PPP4R4: variants seen among roughly 807,000 people sequenced by gnomAD.
The protein encoded by PPP4R4 is protein phosphatase 4 regulatory subunit 4.
A neutral mutation model predicts 121.8 loss-of-function variants in PPP4R4; 70 were observed. The observed-to-expected ratio is 0.57, with a 90% CI of 0.47 to 0.70. PPP4R4 has a LOEUF of 0.70. PPP4R4 is among the 30% of genes least tolerant of loss of function. The pLI is 0.00. For synonymous variants in PPP4R4, 348 were observed against 355.7 expected (o/e 0.98, Z 0.24); for missense variants, 875 against 1,033.6 (o/e 0.85, Z 2.10).
chr14:94,263,114 C>T (rs1003484685), intron 19 of PPP4R4, among the ~76,000 whole-genome samples: 1 of 151,944 alleles, frequency 6.6e-6, no homozygotes, highest in African/African-American at 2.4e-5. Flanking sequence ...GAAATTTATC[C>T]AGTTTGGATT....
chr14:94,260,278 T>G (rs1220027019), intron 19 of PPP4R4, among the ~76,000 whole-genome samples: 1 of 151,696 alleles, frequency 6.6e-6, no homozygotes, highest in Non-Finnish European at 1.5e-5. Flanking sequence ...TACAAAAAAT[T>G]AGCTGGGCAT....
intron 1 of PPP4R4, chr14:94,175,794 A>AT: frequency 6.2e-6 from 3 of 483,616 alleles, no homozygotes; most frequent in Admixed American, 6.5e-5. Context: ...CCACGATGTG[A>AT]TTTTCAAGCT....
At position 94,188,787 on chromosome 14, in the gene PPP4R4, A is replaced by T. The variant is rs1023737070; in HGVS notation, c.191+12660A>T. On this transcript the variant is annotated intron_variant, in intron 2 of 24. Coordinates refer to ENST00000304338, the MANE Select transcript of PPP4R4 (RefSeq NM_058237.2). Reference sequence around the variant, plus strand: ...TGGACATGTTGATTAGCTTTACTGTAGTAATCATTTTACAATGTATACATA... The same window carrying T: ...TGGACATGTTGATTAGCTTTACTGTTGTAATCATTTTACAATGTATACATA... Among the ~76,000 whole-genome samples the T allele has an allele frequency of 2.1e-4, 32 of 152,296 alleles. 1 individual carries two copies. The highest frequency in any genetic ancestry group is 2.5e-4 in the Non-Finnish European group (17 of 67,984).
intron 2 of PPP4R4, among the ~76,000 whole-genome samples, chr14:94,202,006 G>C (rs899258846): frequency 6.6e-6 from 1 of 150,860 alleles, no homozygotes; most frequent in African/African-American, 2.5e-5. Flanking sequence ...ATTGGCATTT[G>C]CAGCAACCTT....
Position 94,259,493 on chromosome 14 carries a change from T to C in PPP4R4, c.2127+124T>C, listed in dbSNP as rs888619853. On this transcript the variant is annotated intron_variant, in intron 19 of 24. Coordinates refer to ENST00000304338, the MANE Select transcript of PPP4R4 (RefSeq NM_058237.2). ...ATTACTCTTTTTTCTTCTTAAATGATAGTCCAGTTTTTTGAAATCTGTTCT... is the reference window on the plus strand; with the variant it reads ...ATTACTCTTTTTTCTTCTTAAATGACAGTCCAGTTTTTTGAAATCTGTTCT... The C allele has an allele frequency of 3.1e-6, 4 of 1,276,320 alleles. No homozygotes were observed. The African/African-American group carries it at 6.2e-5, about 20-fold the overall frequency. 79.1% of individuals were successfully genotyped at this position (1,276,320 alleles called of 1,614,324 possible).
intron 2 of PPP4R4, among the ~76,000 whole-genome samples, chr14:94,181,484 TA>T (rs1888992317): frequency 6.6e-6 from 1 of 152,252 alleles, no homozygotes; most frequent in Non-Finnish European, 1.5e-5. Context: ...AATTTTAATG[TA>T]AACTATAAAT....
At chr14:94,248,774 C>G (rs893734328) in intron 14 of PPP4R4, among the ~76,000 whole-genome samples, 1 of 152,052 alleles carries the variant, frequency 6.6e-6, no homozygotes, top group African/African-American at 2.4e-5. Context: ...ATTCCTTTGT[C>G]CACATTGGTT....
intron 13 of PPP4R4, 47 bp downstream of exon 13, chr14:94,245,717 C>G: frequency 7.3e-7 from 1 of 1,371,492 alleles, no homozygotes; most frequent in Non-Finnish European, 1.0e-6. Context: ...AAATATTATC[C>G]TACTCTACAG....
chr14:94,264,733 T>A (rs564168517), intron 19 of PPP4R4, 145 bp from the exon 20 acceptor site: 2 of 650,976 alleles, frequency 3.1e-6, no homozygotes, highest in Non-Finnish European at 5.4e-6. Context: ...AACCCTGAAT[T>A]CTTTAGACAC....
rs139090634 is a variant in PPP4R4, at chr14:94,213,158, G to A, written c.294+4592G>A. On this transcript the variant is annotated intron_variant, in intron 3 of 24. Transcript: ENST00000304338. ...AACTTAGTTAAGTAACTTGCTCAACGTCACAAAGCTTGCAAGTGGTATAAT... is the reference window on the plus strand; with the variant it reads ...AACTTAGTTAAGTAACTTGCTCAACATCACAAAGCTTGCAAGTGGTATAAT... Among the ~76,000 whole-genome samples the A allele has an allele frequency of 5.6e-3, 856 of 152,282 alleles. 5 individuals carry two copies. Among genetic ancestry groups the A allele is most frequent in the African/African-American group, 0.02 (821 of 41,550 alleles).
rs1894795896 is a variant in PPP4R4, at chr14:94,279,054, GATAAGC to G, written c.*413_*418del. 1 of 152,620 alleles carries G rather than the reference GATAAGC, an allele frequency of 6.6e-6. No homozygotes were observed. The highest frequency in any genetic ancestry group is 2.4e-5 in the African/African-American group (1 of 41,466). 9.5% of individuals were successfully genotyped at this position (152,620 alleles called of 1,614,324 possible). On this transcript the variant is annotated 3_prime_UTR_variant, in exon 25 of 25. Coordinates refer to ENST00000304338, the MANE Select transcript of PPP4R4 (RefSeq NM_058237.2). ...TACATCAGCTGAATTGTCCTAGCTT[GATAAGC>G]ACTTGGAGGGGGACTTGGAAGGTGA...
intron 11 of PPP4R4, among the ~76,000 whole-genome samples, chr14:94,243,803 C>A (rs1322634921): frequency 6.6e-6 from 1 of 151,262 alleles, no homozygotes; most frequent in African/African-American, 2.4e-5. Context: ...TAATGAAAAT[C>A]CACTGGTGGA....
chr14:94,203,061 G>A (rs1215083289), intron 2 of PPP4R4, among the ~76,000 whole-genome samples: 1 of 152,032 alleles, frequency 6.6e-6, no homozygotes, highest in Non-Finnish European at 1.5e-5. Context: ...AAATACCCAT[G>A]TTCTCTTTAT....
Position 94,233,058 on chromosome 14 carries a change from A to C in PPP4R4, c.517-595A>C, listed in dbSNP as rs75600233. Among the ~76,000 whole-genome samples the C allele has an allele frequency of 1.3e-4, 9 of 67,916 alleles. No individual in the cohort carries two copies. The South Asian group carries it at 5.4e-3, about 41-fold the overall frequency. The allele number at this position is 67,916 out of a possible 152,430, so 44.6% of individuals were successfully genotyped here. A position where few individuals can be genotyped will look rare whatever the true frequency, so the allele number is the denominator to read the frequency against. On this transcript the variant is annotated intron_variant, in intron 5 of 24. Coordinates refer to ENST00000304338, the MANE Select transcript of PPP4R4 (RefSeq NM_058237.2). ...GGGCGACAGAGCGAGACTCCGTCTC[A>C]AAAAAAAAAAAAGAGAAATAGCGAG...
chr14:94,187,636 T>C (rs1358439850), intron 2 of PPP4R4, among the ~76,000 whole-genome samples: 2 of 152,150 alleles, frequency 1.3e-5, no homozygotes, highest in African/African-American at 4.8e-5. Context: ...TTTCACTTTT[T>C]TTTTTTTCTG....
At chr14:94,248,250 G>T (rs1209217053) in intron 14 of PPP4R4, among the ~76,000 whole-genome samples, 1 of 152,098 alleles carries the variant, frequency 6.6e-6, no homozygotes, top group African/African-American at 2.4e-5. Flanking sequence ...AAAATCAGTA[G>T]CATTTCTATA....
At chr14:94,191,379 G>A (rs1033705) in intron 2 of PPP4R4, among the ~76,000 whole-genome samples, 116,186 of 151,986 alleles carry the variant, frequency 0.76, 45,248 homozygotes, top group Admixed American at 0.84. Flanking sequence ...TTGACATGTA[G>A]TAATTGTATG....
chr14:94,240,846 T>A (rs777026695), intron 9 of PPP4R4, 51 bp downstream of exon 9: 12 of 1,436,680 alleles, frequency 8.4e-6, no homozygotes, highest in African/African-American at 1.5e-5. Flanking sequence ...TTCCCTTTTT[T>A]TTCTACCTCA....
chr14:94,199,081 G>A (rs753029636), intron 2 of PPP4R4, among the ~76,000 whole-genome samples: 2 of 152,206 alleles, frequency 1.3e-5, no homozygotes, highest in Non-Finnish European at 2.9e-5. Flanking sequence ...GGTTTTAGAA[G>A]GGGATCATAT....
Sources: gnomAD v4.1 joint callset for allele counts (sites outside exome capture counted in the v4.1 genomes callset) on GRCh38, gnomAD v4.1.1 for gene constraint, MANE v1.5 for transcripts, NCBI Gene and HGNC (gene_info 2026-07-23, HGNC 2026-07-21) for gene names.